NR3C2: variants seen among roughly 807,000 people sequenced by gnomAD.
NR3C2 encodes mineralocorticoid receptor.
A neutral mutation model predicts 86.4 loss-of-function variants in NR3C2; 15 were observed. The observed-to-expected ratio is 0.17, with a 90% CI of 0.12 to 0.27. NR3C2 has a LOEUF of 0.27. Among genes scored for constraint, NR3C2 ranks in the 10% least tolerant of loss-of-function variants. The pLI, the probability that NR3C2 is intolerant of heterozygous loss-of-function variation, is 1.00. For synonymous variants in NR3C2, 458 were observed against 450.5 expected, an observed-to-expected ratio of 1.02 and a Z score of -0.21; for missense variants, 960 against 1,195.6, an observed-to-expected ratio of 0.80 and a Z score of 2.91.
At chr4:148,138,445 G>C (rs1172278968) in intron 6 of NR3C2, among the ~76,000 whole-genome samples, 5 of 152,052 alleles carry the variant, frequency 3.3e-5, no homozygotes, top group African/African-American at 1.2e-4. Context: ...GTGCAGGTGC[G>C]ATCTCGGCTC....
At chr4:148,416,052 T>C (rs1579272501) in intron 2 of NR3C2, among the ~76,000 whole-genome samples, 1 of 152,102 alleles carries the variant, frequency 6.6e-6, no homozygotes, top group South Asian at 2.1e-4. Context: ...ATATTAAATA[T>C]AAAAAATAAA....
intron 3 of NR3C2, among the ~76,000 whole-genome samples, chr4:148,239,321 G>A (rs754535418): frequency 6.6e-6 from 1 of 152,198 alleles, no homozygotes; most frequent in Non-Finnish European, 1.5e-5. Context: ...TCTGTAAAAT[G>A]AGTTTGCTCA....
At chr4:148,237,764 G>C (rs1738820504) in intron 3 of NR3C2, among the ~76,000 whole-genome samples, 1 of 150,992 alleles carries the variant, frequency 6.6e-6, no homozygotes, top group African/African-American at 2.4e-5. Flanking sequence ...GTTTATAATA[G>C]GTGAATAGTA....
At position 148,171,753 on chromosome 4, in the gene NR3C2, A is replaced by C. The variant is rs75435234; in HGVS notation, c.2015-16852T>G. 4.9e-3 allele frequency among the ~76,000 whole-genome samples: 752 copies of C among 152,222 alleles called. 11 individuals carry two copies. The highest frequency in any genetic ancestry group is 0.017 in the African/African-American group (708 of 41,530). ...ATAATGCTCTCTTTTTTCAGCTGGAAGGCTTCTCTATTTCCCAGAGGTGGA... is the reference window on the plus strand; with the variant it reads ...ATAATGCTCTCTTTTTTCAGCTGGACGGCTTCTCTATTTCCCAGAGGTGGA... On this transcript the variant is annotated intron_variant, in intron 4 of 8. Transcript: ENST00000358102.
chr4:148,386,452 T>C (rs189783275), intron 2 of NR3C2, among the ~76,000 whole-genome samples: 1 of 152,268 alleles, frequency 6.6e-6, no homozygotes, highest in East Asian at 1.9e-4. Flanking sequence ...ATTAACCAAC[T>C]TCACGTGTGG....
Position 148,388,257 on chromosome 4 carries a change from T to C in NR3C2, c.1757+46847A>G, listed in dbSNP as rs61764780. 2.6e-3 allele frequency among the ~76,000 whole-genome samples: 401 copies of C among 152,322 alleles called. 1 individual carries two copies. The highest frequency in any genetic ancestry group is 0.01 in the Middle Eastern group (3 of 294). On this transcript the variant is annotated intron_variant, in intron 2 of 8. Transcript: ENST00000358102. Reference sequence around the variant, plus strand: ...CTGAACATGCTACATCCAAAATGCCTGGAAAAGAAATGTTTTGGATTTTAC... The same window carrying C: ...CTGAACATGCTACATCCAAAATGCCCGGAAAAGAAATGTTTTGGATTTTAC...
intron 4 of NR3C2, among the ~76,000 whole-genome samples, chr4:148,175,660 ATG>A (rs1735341244): frequency 6.6e-6 from 1 of 152,208 alleles, no homozygotes; most frequent in Non-Finnish European, 1.5e-5. Flanking sequence ...TGTTTCCAAC[ATG>A]TCTTTCATTT....
At chr4:148,261,273 A>G (rs35414407) in intron 2 of NR3C2, among the ~76,000 whole-genome samples, 23,158 of 85,180 alleles carry the variant, frequency 0.27, 2,894 homozygotes, top group East Asian at 0.6. Flanking sequence ...GCTATGGTGC[A>G]CTATGGTAAG....
intron 8 of NR3C2, among the ~76,000 whole-genome samples, chr4:148,094,529 C>T (rs1731192974): frequency 6.6e-6 from 1 of 152,072 alleles, no homozygotes; most frequent in Non-Finnish European, 1.5e-5. Flanking sequence ...GCCTGGCCAA[C>T]ATGGTGAAAC....
intron 3 of NR3C2, among the ~76,000 whole-genome samples, chr4:148,255,173 T>A (rs1739772269): frequency 6.6e-6 from 1 of 152,046 alleles, no homozygotes; most frequent in Non-Finnish European, 1.5e-5. Flanking sequence ...GATAATGTGG[T>A]TTATGACACA....
intron 4 of NR3C2, among the ~76,000 whole-genome samples, chr4:148,164,715 C>A (rs775796671): frequency 4.6e-5 from 7 of 152,172 alleles, no homozygotes; most frequent in Non-Finnish European, 8.8e-5. Context: ...AACACGATCT[C>A]ATTGGGCATG....
intron 3 of NR3C2, among the ~76,000 whole-genome samples, chr4:148,200,880 ACAC>A (rs1281174412): frequency 6.6e-6 from 1 of 152,166 alleles, no homozygotes; most frequent in Non-Finnish European, 1.5e-5. Context: ...CTCTACTAAT[ACAC>A]CACTTCTAAA....
intron 2 of NR3C2, among the ~76,000 whole-genome samples, chr4:148,403,320 T>C (rs2126539670): frequency 6.6e-6 from 1 of 152,212 alleles, no homozygotes; most frequent in East Asian, 1.9e-4. Flanking sequence ...CTTAATTTTT[T>C]ACACTTTGTT....
chr4:148,327,874 A>G (rs547741449), intron 2 of NR3C2, among the ~76,000 whole-genome samples: 30 of 152,320 alleles, frequency 2.0e-4, no homozygotes, highest in Admixed American at 1.9e-3. Flanking sequence ...AGGGCTATAC[A>G]GCTTAACCAG....
intron 7 of NR3C2, 107 bp downstream of exon 7, chr4:148,120,047 GGTTT>G (rs1732444957): frequency 7.3e-7 from 1 of 1,377,812 alleles, no homozygotes; most frequent in Non-Finnish European, 1.0e-6. Flanking sequence ...GTTTCTGTTT[GGTTT>G]GTTTTTGTTT....
At chr4:148,313,190 C>T (rs1029762077) in intron 2 of NR3C2, among the ~76,000 whole-genome samples, 20 of 152,124 alleles carry the variant, frequency 1.3e-4, no homozygotes, top group African/African-American at 4.6e-4. Flanking sequence ...AGTCCAACAG[C>T]GTTCCTCCTG....
At chr4:148,128,046 G>T (rs1732832818) in intron 6 of NR3C2, among the ~76,000 whole-genome samples, 2 of 152,146 alleles carry the variant, frequency 1.3e-5, no homozygotes, top group South Asian at 4.1e-4. Flanking sequence ...GTTAGAAATG[G>T]GGTTTAATTC....
chr4:148,440,358 T>G (rs1750276062), intron 1 of NR3C2, among the ~76,000 whole-genome samples: 1 of 152,238 alleles, frequency 6.6e-6, no homozygotes, highest in Non-Finnish European at 1.5e-5. Flanking sequence ...GACCATGGCT[T>G]GAGCAGAATT....
intron 2 of NR3C2, among the ~76,000 whole-genome samples, chr4:148,408,276 G>A (rs968594493): frequency 6.6e-6 from 1 of 152,084 alleles, no homozygotes; most frequent in African/African-American, 2.4e-5. Flanking sequence ...TAGAGAAAAT[G>A]ATCAAAATAA....
Sources: gnomAD v4.1 joint callset for allele counts (sites outside exome capture counted in the v4.1 genomes callset) on GRCh38, gnomAD v4.1.1 for gene constraint, MANE v1.5 for transcripts, NCBI Gene and HGNC (gene_info 2026-07-23, HGNC 2026-07-21) for gene names.